The following RHOBTB3 variants were observed in gnomAD, a reference collection of about 807,000 sequenced individuals.
RHOBTB3 encodes Rho related BTB domain containing 3.
In RHOBTB3, 47 loss-of-function variants were observed where a neutral mutation model predicts 67.2. The observed-to-expected ratio is 0.70, with a 90% CI of 0.55 to 0.89. The LOEUF (loss-of-function observed/expected upper bound fraction) is 0.89. Ranked by LOEUF, RHOBTB3 falls within the 40% of genes least tolerant of loss-of-function variation. RHOBTB3 has a pLI of 0.00. For missense variants in RHOBTB3, 631 were observed against 750.0 expected, an observed-to-expected ratio of 0.84 and a Z score of 1.85; for synonymous variants, 273 against 274.2, an observed-to-expected ratio of 1.00 and a Z score of 0.04.
At chr5:95,769,051 C>A in intron 8 of RHOBTB3, 1 of 311,690 alleles carries the variant, frequency 3.2e-6, no homozygotes, top group South Asian at 3.5e-5. Flanking sequence ...CTGGGATCCT[C>A]ATCTCACTTG....
rs758717486 is a variant in RHOBTB3, at chr5:95,736,903, T to A, written c.243T>A (p.Ser81Arg). 3 of 1,599,298 alleles carry A rather than the reference T, an allele frequency of 1.9e-6. No individual in the cohort carries two copies. In the African/African-American group the frequency reaches 4.0e-5, roughly 22 times the overall value. Residue 81 changes from serine to arginine, a missense_variant, in exon 3 of 12, where the codon AGT becomes AGA. By Grantham distance (110) the Ser-to-Arg change is moderately radical. Coordinates refer to ENST00000379982, the MANE Select transcript of RHOBTB3 (RefSeq NM_014899.4). ...TTTTGGTTTAGGACATATTTGACAG[T>A]GATTGGTACACTTCTCGAAATCTAA... ...HDCPVWDIFD[S>R]DWYTSRNLIG...
intron 4 of RHOBTB3, among the ~76,000 whole-genome samples, chr5:95,749,281 C>G (rs1745021199): frequency 6.6e-6 from 1 of 152,218 alleles, no homozygotes; most frequent in African/African-American, 2.4e-5. Context: ...GCCATCGGTT[C>G]CCTAGCTCTT....
intron 8 of RHOBTB3, among the ~76,000 whole-genome samples, chr5:95,777,041 T>C (rs953350677): frequency 6.6e-6 from 1 of 152,200 alleles, no homozygotes; most frequent in African/African-American, 2.4e-5. Flanking sequence ...CTCAAATATA[T>C]ATATTTTCTC....
At position 95,770,211 on chromosome 5, in the gene RHOBTB3, TG is replaced by T. The variant is rs542045383; in HGVS notation, c.1282+2046del. The T allele has an allele frequency of 6.7e-5, 20 of 296,328 alleles. No individual in the cohort carries two copies. The East Asian group carries it at 1.8e-3, about 26-fold the overall frequency. The allele number at this position is 296,328 out of a possible 1,614,324, so 18.4% of individuals were successfully genotyped here. A position where few individuals can be genotyped will look rare whatever the true frequency, so the allele number is the denominator to read the frequency against. ...TGGCAAAACTTTAAAATGGAGTAGC[TG>T]TGCTGAAGGTTGGTGTAACAAGTGA... On this transcript the variant is annotated intron_variant, in intron 8 of 11. Coordinates refer to ENST00000379982, the MANE Select transcript of RHOBTB3 (RefSeq NM_014899.4).
chr5:95,760,530 A>G lies in RHOBTB3; in HGVS notation c.1049-2978A>G, dbSNP rs143027406. 2.5e-3 allele frequency among the ~76,000 whole-genome samples: 375 copies of G among 152,344 alleles called. 3 individuals carry two copies. The highest frequency in any genetic ancestry group is 8.7e-3 in the African/African-American group (361 of 41,594). On this transcript the variant is annotated intron_variant, in intron 6 of 11. Coordinates refer to ENST00000379982, the MANE Select transcript of RHOBTB3 (RefSeq NM_014899.4). ...TATGTGGAAGCAAGCTTTCATCTTC[A>G]GTTTACATTCTCCAGTTCTTAGAAT...
intron 3 of RHOBTB3, among the ~76,000 whole-genome samples, chr5:95,745,773 A>C (rs1232970578): frequency 6.6e-6 from 1 of 152,184 alleles, no homozygotes; most frequent in African/African-American, 2.4e-5. Flanking sequence ...ACAATTTAAA[A>C]TTAGTTTGAA....
rs757571783 is a variant in RHOBTB3 at position 95,780,414 on chromosome 5, C to T, written c.1445C>T (p.Ser482Phe). Residue 482 changes from serine (S) to phenylalanine (F), a missense_variant, in exon 9 of 12, where the codon TCC (serine) becomes TTC (phenylalanine). Coordinates refer to ENST00000379982, the MANE Select transcript of RHOBTB3 (RefSeq NM_014899.4). The stretch of plus-strand genomic sequence containing the variant: ...TTTTTAGAATACCTGTACACAGACT[C>T]CTGCTGCCCAGGTTAGCAATACAAA... Reference protein sequence around the residue: ...LSFLEYLYTDSCCPAGIFQAM... With the variant: ...LSFLEYLYTDFCCPAGIFQAM... 50 of 1,613,726 alleles carry T rather than the reference C, an allele frequency of 3.1e-5. No individual in the cohort carries two copies. Among genetic ancestry groups the T allele is most frequent in the Non-Finnish European group, 4.2e-5 (49 of 1,179,728 alleles).
At position 95,745,162 on chromosome 5, in the gene RHOBTB3, C is replaced by G. The variant is rs187099335; in HGVS notation, c.416-3171C>G. ...TGTCAACCAAGCTGGCCCCCAACTC[C>G]TAGGTTCAAGGGATCCTCCCACCTC... is the stretch of plus-strand genomic sequence containing the variant. On this transcript the variant is annotated intron_variant, in intron 3 of 11. Coordinates refer to ENST00000379982, the MANE Select transcript of RHOBTB3 (RefSeq NM_014899.4). Among the ~76,000 whole-genome samples, 495 of 152,092 alleles carry G rather than the reference C, an allele frequency of 3.3e-3. 5 individuals are homozygous for G. Among genetic ancestry groups the G allele is most frequent in the Non-Finnish European group, 4.2e-3 (287 of 67,974 alleles).
At chr5:95,724,931 T>C (rs1192523619) in intron 1 of RHOBTB3, among the ~76,000 whole-genome samples, 1 of 152,086 alleles carries the variant, frequency 6.6e-6, no homozygotes, top group Non-Finnish European at 1.5e-5. Flanking sequence ...CATGCACCTG[T>C]AGTCCCAGCT....
intron 3 of RHOBTB3, among the ~76,000 whole-genome samples, chr5:95,740,435 A>G (rs981110160): frequency 2.0e-5 from 3 of 152,236 alleles, no homozygotes; most frequent in African/African-American, 7.2e-5. Context: ...CCCTTTGGCA[A>G]CATCCCCCAA....
chr5:95,745,163 T>C (rs148733466), intron 3 of RHOBTB3, among the ~76,000 whole-genome samples: 1 of 152,178 alleles, frequency 6.6e-6, no homozygotes, highest in South Asian at 2.1e-4. Context: ...CCCCAACTCC[T>C]AGGTTCAAGG....
intron 8 of RHOBTB3, among the ~76,000 whole-genome samples, chr5:95,772,352 T>G (rs1421257904): frequency 6.6e-6 from 1 of 152,226 alleles, no homozygotes; most frequent in Admixed American, 6.5e-5. Context: ...TTCCTGGATG[T>G]TCTAGCTACT....
At chr5:95,779,463 C>T (rs1745986696) in intron 8 of RHOBTB3, among the ~76,000 whole-genome samples, 2 of 152,214 alleles carry the variant, frequency 1.3e-5, no homozygotes. Flanking sequence ...GCCCTGGCCA[C>T]TCACGGCCCT....
At position 95,737,006 on chromosome 5, in the gene RHOBTB3, A is replaced by G; in HGVS notation, c.346A>G (p.Ile116Val). The G allele has an allele frequency of 6.2e-7, 1 of 1,606,154 alleles. No individual in the cohort carries two copies. The highest frequency in any genetic ancestry group is 8.5e-7 in the Non-Finnish European group (1 of 1,173,136). The change falls in exon 3 of 12, where the codon ATT becomes GTT. Residue 116 changes from isoleucine (I) to valine (V), a missense_variant. Physicochemically the swap from Ile to Val is conservative, Grantham distance 29 (BLOSUM62 3). Coordinates refer to ENST00000379982, the MANE Select transcript of RHOBTB3 (RefSeq NM_014899.4). ...FSFHEVKDNYIPVIKRALNSV... is the reference protein window; with the variant it reads ...FSFHEVKDNYVPVIKRALNSV... ...ATTCCATGAAGTAAAGGATAATTAT[A>G]TTCCAGTGATAAAAAGAGCATTAAA...
upstream of RHOBTB3, chr5:95,730,902 G>T (rs979875808): frequency 3.7e-5 from 17 of 456,292 alleles, no homozygotes; most frequent in Admixed American, 2.1e-4. Context: ...ACGTGGTAAA[G>T]CACTTTCGGT....
At chr5:95,769,979 A>T in intron 8 of RHOBTB3, 1 of 426,582 alleles carries the variant, frequency 2.3e-6, no homozygotes, top group South Asian at 1.8e-5. Flanking sequence ...GCTTAAAGAT[A>T]TGGCTCTTGC....
intron 1 of RHOBTB3, among the ~76,000 whole-genome samples, chr5:95,724,442 A>G (rs540120127): frequency 3.5e-4 from 53 of 152,252 alleles, no homozygotes; most frequent in Non-Finnish European, 5.9e-4. Context: ...AGAAAATTCT[A>G]TAAGATAGAA....
At chr5:95,779,030 AC>A (rs558847766) in intron 8 of RHOBTB3, among the ~76,000 whole-genome samples, 12 of 152,260 alleles carry the variant, frequency 7.9e-5, no homozygotes, top group Non-Finnish European at 1.5e-4. Context: ...GGAAAAAGCC[AC>A]TGGGCTTAGA....
intron 7 of RHOBTB3, chr5:95,767,834 T>G (rs1371445071): frequency 1.4e-6 from 1 of 706,256 alleles, no homozygotes; most frequent in Non-Finnish European, 2.6e-6. Flanking sequence ...TTTACTGCTG[T>G]GAATGCCAAA....
Sources: allele counts gnomAD v4.1 joint callset (sites outside exome capture counted in the v4.1 genomes callset), GRCh38; gene constraint gnomAD v4.1.1; transcripts MANE v1.5; gene names NCBI Gene and HGNC (gene_info 2026-07-23, HGNC 2026-07-21).